RFTN1: variants seen among roughly 807,000 people sequenced by gnomAD.
The protein encoded by RFTN1 is raftlin.
RFTN1 carries 26 observed loss-of-function variants against 46.5 expected under a neutral mutation model. The ratio of observed to expected loss-of-function variants is 0.56; its 90% CI spans 0.41 to 0.78. The LOEUF (loss-of-function observed/expected upper bound fraction) is 0.78. Ranked by LOEUF, RFTN1 falls within the 30% of genes least tolerant of loss-of-function variation. The probability of loss-of-function intolerance (pLI) is 0.00; values close to 1 mark genes in which losing one functional copy is unlikely to be tolerated. For missense variants in RFTN1, 693 were observed against 718.7 expected (o/e 0.96, Z 0.41); for synonymous variants, 261 against 284.2 (o/e 0.92, Z 0.82).
chr3:16,388,799 T>A (rs2074275361), intron 4 of RFTN1, among the ~76,000 whole-genome samples: 1 of 152,174 alleles, frequency 6.6e-6, no homozygotes, highest in Non-Finnish European at 1.5e-5. Flanking sequence ...GATGAGGCAA[T>A]GTAGGTCCCA....
chr3:16,493,794 G>T lies in RFTN1; in HGVS notation c.76C>A (p.Pro26Thr). The T allele has an allele frequency of 1.2e-6, 2 of 1,613,988 alleles. No homozygotes were observed. The highest frequency in any genetic ancestry group is 1.3e-5 in the African/African-American group (1 of 74,962). ...PGNIYSTLKRPQVETKIDVSY... is the reference protein window; with the variant it reads ...PGNIYSTLKRTQVETKIDVSY... ...ACATCTATCTTGGTTTCCACCTGAG[G>T]CCTCTTCAAAGTTGAATAAATATTC... Residue 26 changes from proline to threonine, a missense_variant, in exon 2 of 10, where the codon CCT (proline) becomes ACT (threonine). By Grantham distance (38) the Pro-to-Thr change is conservative (BLOSUM62 -1). Coordinates refer to ENST00000334133, the MANE Select transcript of RFTN1 (RefSeq NM_015150.2).
At chr3:16,470,238 A>G (rs2076170879) in intron 2 of RFTN1, among the ~76,000 whole-genome samples, 1 of 152,114 alleles carries the variant, frequency 6.6e-6, no homozygotes, top group Non-Finnish European at 1.5e-5. Context: ...ACGCACACAC[A>G]CACACACACA....
rs906141873 is a variant in RFTN1 at position 16,318,204 on chromosome 3, C to A, written c.1333-972G>T. 2.0e-5 allele frequency among the ~76,000 whole-genome samples: 3 copies of A among 152,128 alleles called. 1 individual carries two copies. Among genetic ancestry groups the A allele is most frequent in the African/African-American group, 7.2e-5 (3 of 41,412 alleles). On this transcript the variant is annotated intron_variant, in intron 9 of 9. Transcript: ENST00000334133. Reference sequence around the variant, plus strand: ...TCCGTCACTGACCGGCCAAGTTTCTCAATCTGAATTTCTCATCTCGGTGGC... The same window carrying A: ...TCCGTCACTGACCGGCCAAGTTTCTAAATCTGAATTTCTCATCTCGGTGGC...
At position 16,433,927 on chromosome 3, in the gene RFTN1, C is replaced by G. The variant is rs373404854; in HGVS notation, c.256G>C (p.Val86Leu). 9.3e-6 allele frequency: 15 copies of G among 1,614,040 alleles called. No individual in the cohort carries two copies. Among genetic ancestry groups the G allele is most frequent in the Non-Finnish European group, 1.2e-5 (14 of 1,180,026 alleles). The change falls in exon 3 of 10, where the codon GTG becomes CTG. Residue 86 changes from valine to leucine, a missense_variant. Transcript: ENST00000334133. This position sits in a 1 kb window ranked among gnomAD's most constrained non-coding sequence, Gnocchi z 4.4. Reference protein sequence around the residue: ...GFSLAALHPFVQPTHEREKTP... With the variant: ...GFSLAALHPFLQPTHEREKTP... ...TTCTCCCGCTCATGGGTGGGCTGCA[C>G]GAAGGGGTGCAGGGCCGCCAGCGAG...
Position 16,322,872 on chromosome 3 carries a change from G to T in RFTN1, c.1332+504C>A, listed in dbSNP as rs1265239439. 6.6e-6 allele frequency among the ~76,000 whole-genome samples: 1 copy of T among 152,182 alleles called. No individual in the cohort carries two copies. The highest frequency in any genetic ancestry group is 2.4e-5 in the African/African-American group (1 of 41,452). ...CCACAGGCTACAGCTAGCATCACCAGCTGTCACACAGAGGCCTTTGGGTCT... is the reference window on the plus strand; with the variant it reads ...CCACAGGCTACAGCTAGCATCACCATCTGTCACACAGAGGCCTTTGGGTCT... On this transcript the variant is annotated intron_variant, in intron 9 of 9. Transcript: ENST00000334133. The surrounding 1 kb of genome is among the most constrained non-coding windows in gnomAD (Gnocchi z 6.2).
At chr3:16,355,306 A>G (rs999804678) in intron 7 of RFTN1, among the ~76,000 whole-genome samples, 12 of 152,242 alleles carry the variant, frequency 7.9e-5, no homozygotes, top group African/African-American at 1.9e-4. Flanking sequence ...TCCTACTCCT[A>G]TAACAATGTA....
intron 4 of RFTN1, among the ~76,000 whole-genome samples, chr3:16,408,766 C>T (rs1259882353): frequency 6.8e-6 from 1 of 147,740 alleles, no homozygotes; most frequent in Non-Finnish European, 1.5e-5. Context: ...GGGGAATTGT[C>T]GATTACTAGG....
chr3:16,377,634 T>C (rs2073827195), intron 5 of RFTN1, 84 bp downstream of exon 5: 2 of 1,508,062 alleles, frequency 1.3e-6, no homozygotes, highest in Non-Finnish European at 8.9e-7. Flanking sequence ...TCCATTCCTT[T>C]TTCTCTGAGA....
At chr3:16,431,930 C>T (rs1054176891) in intron 3 of RFTN1, among the ~76,000 whole-genome samples, 1 of 152,212 alleles carries the variant, frequency 6.6e-6, no homozygotes, top group Non-Finnish European at 1.5e-5. Flanking sequence ...CGGGAGACAG[C>T]CTTCCTGGGA....
rs143675214 is a variant in RFTN1 at position 16,442,650 on chromosome 3, T to A, written c.146-8613A>T. Among the ~76,000 whole-genome samples the A allele has an allele frequency of 1.6e-3, 241 of 152,256 alleles. 4 individuals carry two copies. In the East Asian group the frequency reaches 0.017, roughly 11 times the overall value. On this transcript the variant is annotated intron_variant, in intron 2 of 9. Coordinates refer to ENST00000334133, the MANE Select transcript of RFTN1 (RefSeq NM_015150.2). This position sits in a 1 kb window ranked among gnomAD's most constrained non-coding sequence, Gnocchi z 4.1. ...CAGTACGCGATGTTATTAGCTATAGTCCCCATGTTGTACATTAGATCTCTA... is the reference window on the plus strand; with the variant it reads ...CAGTACGCGATGTTATTAGCTATAGACCCCATGTTGTACATTAGATCTCTA...
rs1041878452 is a variant in RFTN1, at chr3:16,499,577, C to T, written c.-8-5700G>A. ...TGTTAAGCAAAGACAAGCTGTTTCA[C>T]CAAGCCCTGCCAAAGCTGCAGATTC... On this transcript the variant is annotated intron_variant, in intron 1 of 9. Transcript: ENST00000334133. This position sits in a 1 kb window ranked among gnomAD's most constrained non-coding sequence, Gnocchi z 4.9. Among the ~76,000 whole-genome samples the T allele has an allele frequency of 1.3e-5, 2 of 152,244 alleles. No individual in the cohort carries two copies. The highest frequency in any genetic ancestry group is 2.1e-4 in the South Asian group (1 of 4,836).
intron 6 of RFTN1, among the ~76,000 whole-genome samples, chr3:16,366,734 C>T (rs1464580312): frequency 1.3e-5 from 2 of 152,238 alleles, no homozygotes; most frequent in African/African-American, 4.8e-5. Flanking sequence ...ACCTACTTCA[C>T]TGAGGTATTG....
chr3:16,373,327 G>A (rs1320337849), intron 5 of RFTN1, among the ~76,000 whole-genome samples: 1 of 152,180 alleles, frequency 6.6e-6, no homozygotes, highest in Non-Finnish European at 1.5e-5. Context: ...GATCCCTCCT[G>A]TTACACGTGT....
At chr3:16,419,536 G>C (rs751650691) in intron 3 of RFTN1, among the ~76,000 whole-genome samples, 1 of 152,120 alleles carries the variant, frequency 6.6e-6, no homozygotes, top group Admixed American at 6.5e-5. Context: ...GTGGGCAGGG[G>C]AATAACCTGC....
intron 2 of RFTN1, among the ~76,000 whole-genome samples, chr3:16,438,491 G>A (rs549085949): frequency 1.0e-3 from 146 of 146,550 alleles, no homozygotes; most frequent in Admixed American, 1.9e-3. Context: ...GGGCTGAGGA[G>A]GGAGGATCAC....
Position 16,442,588 on chromosome 3 carries a change from G to A in RFTN1, c.146-8551C>T, listed in dbSNP as rs1302449593. Among the ~76,000 whole-genome samples the A allele has an allele frequency of 6.6e-6, 1 of 152,016 alleles. No homozygotes were observed. The highest frequency in any genetic ancestry group is 1.5e-5 in the Non-Finnish European group (1 of 68,002). On this transcript the variant is annotated intron_variant, in intron 2 of 9. Transcript: ENST00000334133. The surrounding 1 kb of genome is among the most constrained non-coding windows in gnomAD (Gnocchi z 4.1). ...TAGTTAGTTTTCTTTTTTGTGCGTG[G>A]TAAGAGTACCTAAAATCTATTCCCT...
At chr3:16,478,428 A>C (rs2076317265) in intron 2 of RFTN1, among the ~76,000 whole-genome samples, 1 of 152,228 alleles carries the variant, frequency 6.6e-6, no homozygotes, top group Non-Finnish European at 1.5e-5. Context: ...ATTTGAAACC[A>C]GGTTGGTTCA....
At chr3:16,501,139 C>T (rs970564735) in intron 1 of RFTN1, among the ~76,000 whole-genome samples, 12 of 152,158 alleles carry the variant, frequency 7.9e-5, no homozygotes, top group Non-Finnish European at 1.5e-4. Flanking sequence ...TTGTCTGTAA[C>T]AAAACACACA....
chr3:16,387,578 C>CTCTCTCTCTCTCTA lies in RFTN1; in HGVS notation c.442-9477_442-9476insTAGAGAGAGAGAGA, dbSNP rs1364484306. Among the ~76,000 whole-genome samples, 3 of 95,888 alleles carry CTCTCTCTCTCTCTA rather than the reference C, an allele frequency of 3.1e-5. No homozygotes were observed. Among genetic ancestry groups the CTCTCTCTCTCTCTA allele is most frequent in the African/African-American group, 9.6e-5 (3 of 31,182 alleles). The allele number at this position is 95,888 out of a possible 152,430, so 62.9% of individuals were successfully genotyped here. A position where few individuals can be genotyped will look rare whatever the true frequency, so the allele number is the denominator to read the frequency against. On this transcript the variant is annotated intron_variant, in intron 4 of 9. Coordinates refer to ENST00000334133, the MANE Select transcript of RFTN1 (RefSeq NM_015150.2). This position sits in a 1 kb window ranked among gnomAD's most constrained non-coding sequence, Gnocchi z 5.2. ...TCTTCTATATCCTCAATTTCTCTCT[C>CTCTCTCTCTCTCTA]TCTCTCTCTCTCTCTCTCTCTCTCT... is the stretch of plus-strand genomic sequence containing the variant.
Sources: allele counts gnomAD v4.1 joint callset (sites outside exome capture counted in the v4.1 genomes callset), GRCh38; gene constraint gnomAD v4.1.1; non-coding constraint Gnocchi (gnomAD v3.1); transcripts MANE v1.5; gene names NCBI Gene and HGNC (gene_info 2026-07-23, HGNC 2026-07-21).